ULK2: variants seen among roughly 807,000 people sequenced by gnomAD.
ULK2 encodes serine/threonine-protein kinase ULK2.
In ULK2, 76 loss-of-function variants were observed where a neutral mutation model predicts 127.5. The observed-to-expected ratio is 0.60, with a 90% CI of 0.50 to 0.72. The LOEUF (loss-of-function observed/expected upper bound fraction) is 0.72. Ranked by LOEUF, ULK2 falls within the 30% of genes least tolerant of loss-of-function variation. The probability of loss-of-function intolerance (pLI) is 0.00; values close to 1 mark genes in which losing one functional copy is unlikely to be tolerated. For missense variants in ULK2, 1,144 were observed against 1,295.9 expected (o/e 0.88, Z 1.80); for synonymous variants, 452 against 461.9 (o/e 0.98, Z 0.28).
chr17:19,849,843 T>A, intron 3 of ULK2, 69 bp from the exon 4 acceptor site: 1 of 909,788 alleles, frequency 1.1e-6, no homozygotes, highest in Non-Finnish European at 1.7e-6. Context: ...TAATGATAGT[T>A]AAAAATACCA....
At position 19,801,762 on chromosome 17, in the gene ULK2, T is replaced by C. The variant is rs1208329014; in HGVS notation, c.1441+15A>G. On this transcript the variant is annotated intron_variant, in intron 16 of 26. Coordinates refer to ENST00000395544, the MANE Select transcript of ULK2 (RefSeq NM_014683.4). ...AAAAAAAGGTTGAAAACAACTGTTT[T>C]TAAACTCTACTTACCCAAAGGGGAA... 1.2e-6 allele frequency: 2 copies of C among 1,609,132 alleles called. No homozygotes were observed. The highest frequency in any genetic ancestry group is 1.7e-6 in the Non-Finnish European group (2 of 1,178,942).
At chr17:19,845,031 T>C (rs1377527086) in intron 7 of ULK2, among the ~76,000 whole-genome samples, 1 of 152,212 alleles carries the variant, frequency 6.6e-6, no homozygotes, top group Non-Finnish European at 1.5e-5. Context: ...CTACCCTTGA[T>C]TAATTTTTAT....
At chr17:19,859,221 G>A (rs1240615312) in intron 3 of ULK2, among the ~76,000 whole-genome samples, 1 of 151,596 alleles carries the variant, frequency 6.6e-6, no homozygotes, top group Non-Finnish European at 1.5e-5. Flanking sequence ...TGGTTAAAAA[G>A]AACTAGTATA....
At chr17:19,813,457 A>G (rs2040892662) in intron 13 of ULK2, among the ~76,000 whole-genome samples, 1 of 152,222 alleles carries the variant, frequency 6.6e-6, no homozygotes, top group South Asian at 2.1e-4. Context: ...ATATGACCAA[A>G]AAAAGATAAA....
In ULK2 at chr17:19,813,014, T is replaced by C. The variant is rs1250829067; in HGVS notation, c.1097-2576A>G. On this transcript the variant is annotated intron_variant, in intron 13 of 26. Coordinates refer to ENST00000395544, the MANE Select transcript of ULK2 (RefSeq NM_014683.4). Reference sequence around the variant, plus strand: ...ATTAAAAGCAAGGGTACTACACTGATAAAAAGATTAGTGGAAAAGAGTTAT... The same window carrying C: ...ATTAAAAGCAAGGGTACTACACTGACAAAAAGATTAGTGGAAAAGAGTTAT... 3.3e-5 allele frequency among the ~76,000 whole-genome samples: 5 copies of C among 152,166 alleles called. No individual in the cohort carries two copies. The East Asian group carries it at 9.6e-4, about 29-fold the overall frequency.
At position 19,845,182 on chromosome 17, in the gene ULK2, TTAG is replaced by T. The variant is rs1254001811; in HGVS notation, c.543+119_543+121del. The T allele has an allele frequency of 6.9e-5, 56 of 806,814 alleles. No homozygotes were observed. The East Asian group carries it at 1.4e-3, about 21-fold the overall frequency. The allele number at this position is 806,814 out of a possible 1,614,324, so 50.0% of individuals were successfully genotyped here. A position where few individuals can be genotyped will look rare whatever the true frequency, so the allele number is the denominator to read the frequency against. ...AGCATTATCAGTAATATAATTAACA[TTAG>T]TAATAACAACTTGGACTATATGTAA... On this transcript the variant is annotated intron_variant, in intron 7 of 26. Transcript: ENST00000395544.
At chr17:19,800,448 GGAT>G (rs1461502699) in intron 16 of ULK2, among the ~76,000 whole-genome samples, 1 of 152,160 alleles carries the variant, frequency 6.6e-6, no homozygotes, top group Non-Finnish European at 1.5e-5. Flanking sequence ...TTGTGTGCAA[GGAT>G]GAGATTTGGA....
In ULK2 at chr17:19,810,457, C is replaced by T. The variant is rs750959465; in HGVS notation, c.1097-19G>A. On this transcript the variant is annotated intron_variant, in intron 13 of 26. Coordinates refer to ENST00000395544, the MANE Select transcript of ULK2 (RefSeq NM_014683.4). ...ATATCACCTAAAGGAGAGAAAAGAA[C>T]AATCAGTTCCTGTTATACCATCTGC... 1.3e-6 allele frequency: 2 copies of T among 1,533,734 alleles called. No individual in the cohort carries two copies. Among genetic ancestry groups the T allele is most frequent in the Non-Finnish European group, 1.8e-6 (2 of 1,122,334 alleles).
intron 13 of ULK2, chr17:19,810,998 G>A (rs2087627492): frequency 6.6e-6 from 1 of 152,082 alleles, no homozygotes; most frequent in Non-Finnish European, 1.5e-5. Flanking sequence ...CTCATGCCTG[G>A]AATCCCATCA....
intron 3 of ULK2, among the ~76,000 whole-genome samples, chr17:19,851,844 G>T (rs997352077): frequency 6.6e-6 from 1 of 151,432 alleles, no homozygotes; most frequent in Non-Finnish European, 1.5e-5. Context: ...TCAGGAGTTC[G>T]AGACTAGCCT....
chr17:19,810,482 CT>C (rs1374832257), intron 13 of ULK2, 44 bp from the exon 14 acceptor site: 1 of 1,259,796 alleles, frequency 7.9e-7, no homozygotes, highest in Non-Finnish European at 1.1e-6. Flanking sequence ...ATACCATCTG[CT>C]TAAAAAAACA....
intron 3 of ULK2, among the ~76,000 whole-genome samples, chr17:19,859,127 A>C (rs2042190732): frequency 6.6e-6 from 1 of 150,712 alleles, no homozygotes; most frequent in African/African-American, 2.4e-5. Context: ...ATCTCTATTA[A>C]TTAAGTAAAT....
intron 9 of ULK2, 65 bp downstream of exon 9, chr17:19,841,424 A>C (rs1274938838): frequency 1.3e-5 from 19 of 1,431,846 alleles, no homozygotes; most frequent in Non-Finnish European, 1.8e-5. Context: ...CACAAAACAC[A>C]AACAGTTCAA....
At chr17:19,785,838 G>T in intron 21 of ULK2, 99 bp downstream of exon 21, 1 of 1,412,524 alleles carries the variant, frequency 7.1e-7, no homozygotes, top group South Asian at 1.4e-5. Flanking sequence ...GAAGCCCAGA[G>T]AATTAAGTGA....
chr17:19,805,368 C>T (rs1023864886), intron 14 of ULK2, among the ~76,000 whole-genome samples: 11 of 152,200 alleles, frequency 7.2e-5, no homozygotes, highest in Non-Finnish European at 1.2e-4. Flanking sequence ...CTTTAATAGC[C>T]TCTTTCCTCA....
chr17:19,780,736 T>G, intron 24 of ULK2, 107 bp from the exon 25 acceptor site: 3 of 1,262,096 alleles, frequency 2.4e-6, no homozygotes, highest in Non-Finnish European at 3.2e-6. Flanking sequence ...CACTATGTGA[T>G]CATTCAAAAA....
intron 12 of ULK2, among the ~76,000 whole-genome samples, chr17:19,824,140 A>G (rs551396161): frequency 4.6e-5 from 7 of 152,292 alleles, no homozygotes; most frequent in African/African-American, 1.7e-4. Context: ...TGGCTCCCCT[A>G]TCTTTCTGCC....
At chr17:19,862,718 A>G (rs2042269082) in intron 3 of ULK2, among the ~76,000 whole-genome samples, 1 of 152,184 alleles carries the variant, frequency 6.6e-6, no homozygotes, top group African/African-American at 2.4e-5. Flanking sequence ...CACCTACCTC[A>G]GCCTTCCAAA....
In ULK2 at chr17:19,776,373, G is replaced by A. The variant is rs1388517423; in HGVS notation, c.3087C>T (p.Leu1029=). ...KCSIERRLSA[L]CHSTATV ...CTCACACGGTTGCGGTGCTATGGCA[G>A]AGCGCCGACAGTCTTCTCTCAATAC... Residue 1029 remains leucine, a synonymous_variant, in exon 27 of 27, where the codon CTC becomes CTT. Transcript: ENST00000395544. 7 of 1,605,756 alleles carry A rather than the reference G, an allele frequency of 4.4e-6. No individual in the cohort carries two copies. In the African/African-American group the frequency reaches 9.4e-5, roughly 22 times the overall value.
Sources: allele counts gnomAD v4.1 joint callset (sites outside exome capture counted in the v4.1 genomes callset), GRCh38; gene constraint gnomAD v4.1.1; transcripts MANE v1.5; gene names NCBI Gene and HGNC (gene_info 2026-07-23, HGNC 2026-07-21).